The following ATAD3C variants were observed in gnomAD, a reference collection of about 807,000 sequenced individuals.
The protein encoded by ATAD3C is ATPase family AAA domain containing 3C, also known as ATPase family AAA domain-containing protein 3C.
In ATAD3C, 38 loss-of-function variants were observed where a neutral mutation model predicts 46.3. That is an observed-to-expected ratio of 0.82 (90% confidence interval 0.63 to 1.08). The LOEUF (loss-of-function observed/expected upper bound fraction) is 1.08, where lower values mean the gene tolerates loss of function less well. ATAD3C is among the 50% of genes least tolerant of loss of function. ATAD3C has a pLI of 0.00. For missense variants in ATAD3C, 563 were observed against 572.7 expected, an observed-to-expected ratio of 0.98 and a Z score of 0.17; for synonymous variants, 220 against 236.4, an observed-to-expected ratio of 0.93 and a Z score of 0.63.
At position 1,460,805 on chromosome 1, in the gene ATAD3C, G is replaced by A. The variant is rs1639045519; in HGVS notation, c.868G>A (p.Ala290Thr). ...CGAGCAGTTCGACTGGGCCATCAAT[G>A]CCTGCATCGACGTGATGGTCCACTT... ...HPEQFDWAIN[A>T]CIDVMVHFDL... Residue 290 changes from alanine (A) to threonine (T), a missense_variant, in exon 10 of 12, where the codon GCC (alanine) becomes ACC (threonine). Physicochemically the swap from Ala to Thr is moderately conservative, Grantham distance 58 (BLOSUM62 0). Coordinates refer to ENST00000378785, the MANE Select transcript of ATAD3C (RefSeq NM_001039211.3). The A allele has an allele frequency of 1.9e-6, 3 of 1,612,914 alleles. No homozygotes were observed. In the African/African-American group the frequency reaches 4.0e-5, roughly 22 times the overall value.
rs777663464 is a variant in ATAD3C at position 1,455,780 on chromosome 1, T to C, written c.439-11T>C. ...AGACTGTGTCCTCCAAGCCCCTGTC[T>C]TCCTCGGCAGCCCAGCCTGGAAGCA... is the stretch of plus-strand genomic sequence containing the variant. On this transcript the variant is annotated splice_polypyrimidine_tract_variant and intron_variant, in intron 5 of 11. Coordinates refer to ENST00000378785, the MANE Select transcript of ATAD3C (RefSeq NM_001039211.3). 6.2e-7 allele frequency: 1 copy of C among 1,613,080 alleles called. No homozygotes were observed. The highest frequency in any genetic ancestry group is 1.3e-5 in the African/African-American group (1 of 74,926).
rs1450774250 is a variant in ATAD3C, at chr1:1,450,302, G to A, written c.-382G>A. 1.5e-5 allele frequency: 3 copies of A among 205,290 alleles called. No homozygotes were observed. In the Admixed American group the frequency reaches 1.6e-4, roughly 11 times the overall value. The allele number at this position is 205,290 out of a possible 1,614,324, so 12.7% of individuals were successfully genotyped here. A position where few individuals can be genotyped will look rare whatever the true frequency, so the allele number is the denominator to read the frequency against. On this transcript the variant is annotated 5_prime_UTR_variant, in exon 1 of 12. Coordinates refer to ENST00000378785, the MANE Select transcript of ATAD3C (RefSeq NM_001039211.3). ...ATCATGCCACTGCACTCCAGCCTGG[G>A]CCAGAATGAGACTCCGTCTCAAAAA...
At position 1,450,322 on chromosome 1, in the gene ATAD3C, CAAAAA is replaced by C. The variant is rs538836491; in HGVS notation, c.-347_-343del. On this transcript the variant is annotated 5_prime_UTR_variant, in exon 1 of 12. The change abolishes the stop of an existing upstream ORF in the 5' untranslated region. Coordinates refer to ENST00000378785, the MANE Select transcript of ATAD3C (RefSeq NM_001039211.3). ...CCTGGGCCAGAATGAGACTCCGTCT[CAAAAA>C]AAAAAAAAAAAAAAGCATGTGTAAC... The C allele has an allele frequency of 4.1e-3, 453 of 109,352 alleles. 5 individuals carry two copies. Among genetic ancestry groups the C allele is most frequent in the East Asian group, 0.011 (56 of 4,874 alleles). 6.8% of individuals were successfully genotyped at this position (109,352 alleles called of 1,614,324 possible). A position where few individuals can be genotyped will look rare whatever the true frequency, so the allele number is the denominator to read the frequency against.
At chr1:1,461,097 G>T (rs561066203) in intron 10 of ATAD3C, among the ~76,000 whole-genome samples, 180 bp downstream of exon 10, 4 of 152,118 alleles carry the variant, frequency 2.6e-5, no homozygotes, top group African/African-American at 9.6e-5. Context: ...ATCCAGGGAG[G>T]TCCTGCCACC....
intron 4 of ATAD3C, among the ~76,000 whole-genome samples, chr1:1,454,916 G>A (rs1283606069): frequency 2.6e-5 from 4 of 151,782 alleles, no homozygotes; most frequent in Non-Finnish European, 5.9e-5. Context: ...TCGGTGGGTG[G>A]TTAAGAAAAT....
In ATAD3C at chr1:1,459,013, CT is replaced by C. The variant is rs1639013855; in HGVS notation, c.742-147del. Reference sequence around the variant, plus strand: ...AGGTTACATTCGTGAGTCACCGCCCCTGGCCCTGGTCAGGCTTTTGAGTCTA... The same window carrying C: ...AGGTTACATTCGTGAGTCACCGCCCCGGCCCTGGTCAGGCTTTTGAGTCTA... On this transcript the variant is annotated intron_variant, in intron 8 of 11. Coordinates refer to ENST00000378785, the MANE Select transcript of ATAD3C (RefSeq NM_001039211.3). This position sits in a 1 kb window ranked among gnomAD's most constrained non-coding sequence, Gnocchi z 4.9. 4.0e-6 allele frequency: 6 copies of C among 1,494,954 alleles called. No homozygotes were observed. Among genetic ancestry groups the C allele is most frequent in the South Asian group, 1.3e-5 (1 of 74,800 alleles). The allele number at this position is 1,494,954 out of a possible 1,614,324, so 92.6% of individuals were successfully genotyped here.
At chr1:1,457,575 GAC>G (rs1191379431) in intron 8 of ATAD3C, among the ~76,000 whole-genome samples, 6 of 118,656 alleles carry the variant, frequency 5.1e-5, no homozygotes, top group African/African-American at 2.1e-4. Flanking sequence ...CAGCCTGGGC[GAC>G]ACAGCGAGAC....
At chr1:1,458,468 C>T (rs1007341192) in intron 8 of ATAD3C, among the ~76,000 whole-genome samples, 1 of 151,160 alleles carries the variant, frequency 6.6e-6, no homozygotes, top group Admixed American at 6.6e-5. Context: ...TTACTAGAGA[C>T]TGGGTTTCTC....
rs868069434 is a variant in ATAD3C at position 1,461,721 on chromosome 1, A to C, written c.980+804A>C. 1.7e-3 allele frequency among the ~76,000 whole-genome samples: 226 copies of C among 132,050 alleles called. 3 individuals are homozygous for C. Among genetic ancestry groups the C allele is most frequent in the Middle Eastern group, 8.3e-3 (2 of 240 alleles). 86.6% of individuals were successfully genotyped at this position (132,050 alleles called of 152,430 possible). On this transcript the variant is annotated intron_variant, in intron 10 of 11. Coordinates refer to ENST00000378785, the MANE Select transcript of ATAD3C (RefSeq NM_001039211.3). The stretch of plus-strand genomic sequence containing the variant: ...GAGGCTCCTCATGAGACCCCCATGT[A>C]GGGATTGGAGGGAGAGGCTCCTCAT...
At chr1:1,467,600 T>C (rs936088022) in intron 11 of ATAD3C, among the ~76,000 whole-genome samples, 1 of 152,058 alleles carries the variant, frequency 6.6e-6, no homozygotes, top group Non-Finnish European at 1.5e-5. Context: ...ATCCTGCCTC[T>C]GGGAGGCATA....
At chr1:1,466,241 T>C (rs1271973857) in intron 11 of ATAD3C, among the ~76,000 whole-genome samples, 1 of 93,198 alleles carries the variant, frequency 1.1e-5, no homozygotes, top group Non-Finnish European at 2.0e-5. Flanking sequence ...AACTTCTGTC[T>C]CAAAAAAAAA....
chr1:1,451,723 G>A (rs2100471550), intron 1 of ATAD3C, among the ~76,000 whole-genome samples: 1 of 152,138 alleles, frequency 6.6e-6, no homozygotes, highest in South Asian at 2.1e-4. Context: ...ACGTTTAATT[G>A]GCAGAAGACA....
At position 1,462,954 on chromosome 1, in the gene ATAD3C, G is replaced by GCCTCCTA. The variant is rs1039043786; in HGVS notation, c.1089+247_1089+253dup. 2.0e-5 allele frequency among the ~76,000 whole-genome samples: 3 copies of GCCTCCTA among 152,122 alleles called. No homozygotes were observed. The highest frequency in any genetic ancestry group is 7.2e-5 in the African/African-American group (3 of 41,450). On this transcript the variant is annotated intron_variant, in intron 11 of 11. Transcript: ENST00000378785. The surrounding 1 kb of genome is among the most constrained non-coding windows in gnomAD (Gnocchi z 4.5). Reference sequence around the variant, plus strand: ...GGTCACAGGTCAGGAAGCCAGTGCGGCCTCCTAGTAGCCCGGGCTCTGCCA... The same window carrying GCCTCCTA: ...GGTCACAGGTCAGGAAGCCAGTGCGGCCTCCTACCTCCTAGTAGCCCGGGCTCTGCCA...
intron 9 of ATAD3C, among the ~76,000 whole-genome samples, chr1:1,460,199 A>C (rs1426830267): frequency 1.3e-5 from 2 of 151,368 alleles, no homozygotes; most frequent in Non-Finnish European, 2.9e-5. Flanking sequence ...CAGCCTCCCA[A>C]GTGGCTGGGA....
chr1:1,450,934 G>A lies in ATAD3C; in HGVS notation c.75+176G>A, dbSNP rs960619306. ...AAGGAAACAAGGGGAGGTGAGAGAC[G>A]CTGCCGCAGAGCCGCCCGAGAGGGA... On this transcript the variant is annotated intron_variant, in intron 1 of 11. Transcript: ENST00000378785. Among the ~76,000 whole-genome samples, 12 of 151,830 alleles carry A rather than the reference G, an allele frequency of 7.9e-5. 1 individual carries two copies. The highest frequency in any genetic ancestry group is 1.7e-4 in the African/African-American group (7 of 41,224).
intron 4 of ATAD3C, among the ~76,000 whole-genome samples, chr1:1,455,073 C>T (rs1159379263): frequency 6.6e-6 from 1 of 151,428 alleles, no homozygotes; most frequent in African/African-American, 2.4e-5. Flanking sequence ...AAAAATTAGC[C>T]GGGCGTGGTG....
chr1:1,456,271 G>A lies in ATAD3C; in HGVS notation c.611G>A (p.Gly204Glu). The A allele has an allele frequency of 6.7e-7, 1 of 1,487,116 alleles. No individual in the cohort carries two copies. The highest frequency in any genetic ancestry group is 8.8e-7 in the Non-Finnish European group (1 of 1,138,718). 92.1% of individuals were successfully genotyped at this position (1,487,116 alleles called of 1,614,324 possible). A position where few individuals can be genotyped will look rare whatever the true frequency, so the allele number is the denominator to read the frequency against. Residue 204 changes from glycine to glutamate, a missense_variant, in exon 7 of 12, where the codon GGG becomes GAG. Coordinates refer to ENST00000378785, the MANE Select transcript of ATAD3C (RefSeq NM_001039211.3). ...ATGGACTACGCCATCATGACAGGCG[G>A]GGACGTGGCCCCCATGGGGCGGGAA... ...SGMDYAIMTG[G>E]DVAPMGREGV...
chr1:1,458,876 A>C lies in ATAD3C; in HGVS notation c.742-285A>C, dbSNP rs931541724. ...TAGCTGGGACCACAGGTGTGCCACC[A>C]CGCCTGGCTAATTTTTGTATTTTTA... On this transcript the variant is annotated intron_variant, in intron 8 of 11. Transcript: ENST00000378785. 4.6e-5 allele frequency among the ~76,000 whole-genome samples: 7 copies of C among 151,750 alleles called. No homozygotes were observed. The South Asian group carries it at 1.5e-3, about 32-fold the overall frequency.
intron 8 of ATAD3C, among the ~76,000 whole-genome samples, chr1:1,458,173 G>T (rs140804471): frequency 1.3e-5 from 2 of 151,590 alleles, no homozygotes; most frequent in African/African-American, 4.8e-5. Context: ...TAGAGATGGG[G>T]TTTCACCATG....
Sources: gnomAD v4.1 joint callset for allele counts (sites outside exome capture counted in the v4.1 genomes callset) on GRCh38, gnomAD v4.1.1 for gene constraint, Gnocchi (gnomAD v3.1) non-coding constraint, MANE v1.5 for transcripts, NCBI Gene and HGNC (gene_info 2026-07-23, HGNC 2026-07-21) for gene names.